PKD1L3: variants seen among roughly 807,000 people sequenced by gnomAD.
PKD1L3 encodes the protein polycystin 1 like 3, transient receptor potential channel interacting.
In PKD1L3, 239 loss-of-function variants were observed where a neutral mutation model predicts 184.1. The observed-to-expected ratio is 1.30, with a 90% CI of 1.17 to 1.45. PKD1L3 has a LOEUF of 1.45. Among genes scored for constraint, PKD1L3 ranks in the 40% most tolerant of loss-of-function variants. The probability of loss-of-function intolerance (pLI) is 0.00; values close to 1 mark genes in which losing one functional copy is unlikely to be tolerated. For missense variants in PKD1L3, 2,660 were observed against 2,067.2 expected, an observed-to-expected ratio of 1.29 and a Z score of -5.56; for synonymous variants, 996 against 778.8, an observed-to-expected ratio of 1.28 and a Z score of -4.64.
At position 71,952,952 on chromosome 16, in the gene PKD1L3, T is replaced by C. The variant is rs1597310697; in HGVS notation, c.2951A>G (p.Gln984Arg). 2 of 1,550,922 alleles carry C rather than the reference T, an allele frequency of 1.3e-6. No homozygotes were observed. The highest frequency in any genetic ancestry group is 1.7e-6 in the Non-Finnish European group (2 of 1,146,770). ...QETLPLFPPI[Q>R]ASCLSDASVE... ...AGAAGCATCTGAGAGGCAGGAGGCC[T>C]GGATGGGAGGAAAGAGGGGCAGAGT... Residue 984 changes from glutamine to arginine, a missense_variant, in exon 18 of 30, where the codon CAG becomes CGG. Transcript: ENST00000620267.
In PKD1L3 at chr16:71,999,899, G is replaced by T. The variant is rs1382072028; in HGVS notation, c.80C>A (p.Ala27Glu). Reference protein sequence around the residue: ...IILGSELNSPAPHGQNNCYQL... With the variant: ...IILGSELNSPEPHGQNNCYQL... Reference sequence around the variant, plus strand: ...GTAACAATTATTTTGCCCATGTGGTGCTGGGCTGTTTAGCTCACTTCCTAG... The same window carrying T: ...GTAACAATTATTTTGCCCATGTGGTTCTGGGCTGTTTAGCTCACTTCCTAG... The change falls in exon 1 of 30, where the codon GCA becomes GAA. Residue 27 changes from alanine to glutamate, a missense_variant. Transcript: ENST00000620267. 1 of 1,551,680 alleles carries T rather than the reference G, an allele frequency of 6.4e-7. No individual in the cohort carries two copies. Among genetic ancestry groups the T allele is most frequent in the Non-Finnish European group, 8.7e-7 (1 of 1,146,938 alleles).
chr16:71,945,085 T>C (rs1490612637), intron 22 of PKD1L3, among the ~76,000 whole-genome samples: 1 of 150,630 alleles, frequency 6.6e-6, no homozygotes, highest in African/African-American at 2.4e-5. Context: ...GTTAAAGTTT[T>C]TAAATGCTCA....
intron 4 of PKD1L3, among the ~76,000 whole-genome samples, chr16:71,987,000 C>G (rs1374552468): frequency 7.0e-6 from 1 of 142,268 alleles, no homozygotes; most frequent in African/African-American, 2.7e-5. Flanking sequence ...TCTCGGCTCA[C>G]TGCAGCCTCC....
At chr16:71,988,284 T>G (rs1291206910) in intron 4 of PKD1L3, among the ~76,000 whole-genome samples, 2 of 152,152 alleles carry the variant, frequency 1.3e-5, no homozygotes, top group Non-Finnish European at 2.9e-5. Context: ...AACCTCCACC[T>G]CCCAGGTTCA....
intron 16 of PKD1L3, among the ~76,000 whole-genome samples, chr16:71,961,547 T>G (rs1170647620): frequency 7.3e-6 from 1 of 137,638 alleles, no homozygotes; most frequent in African/African-American, 2.6e-5. Context: ...TCTCTTGAGG[T>G]TGCCACGCAG....
At chr16:71,964,500 G>T (rs1028294792) in intron 15 of PKD1L3, among the ~76,000 whole-genome samples, 3 of 150,548 alleles carry the variant, frequency 2.0e-5, no homozygotes, top group Admixed American at 6.6e-5. Context: ...CACCACGCCC[G>T]GCTAGTTTTT....
In PKD1L3 at chr16:71,977,358, A is replaced by G; in HGVS notation, c.1637T>C (p.Ile546Thr). ...VNVTSLEKSL[I>T]VSIDPDSPLL... ...GGGACTGTCAGGATCTATGCTCACT[A>G]TCAAGGATTTCTCCAAGGAAGTGAC... The change falls in exon 11 of 30, where the codon ATA (isoleucine) becomes ACA (threonine). Residue 546 changes from isoleucine (I) to threonine (T), a missense_variant. By Grantham distance (89) the Ile-to-Thr change is moderately conservative. Transcript: ENST00000620267. The G allele has an allele frequency of 1.3e-6, 2 of 1,549,284 alleles. No individual in the cohort carries two copies. Among genetic ancestry groups the G allele is most frequent in the South Asian group, 2.4e-5 (2 of 83,986 alleles).
intron 3 of PKD1L3, among the ~76,000 whole-genome samples, chr16:71,992,173 C>T (rs771196191): frequency 3.9e-5 from 6 of 152,088 alleles, no homozygotes; most frequent in Non-Finnish European, 8.8e-5. Context: ...AGGGGAGATC[C>T]AGCCCGCAAA....
At chr16:71,985,560 T>G (rs1454653077) in intron 5 of PKD1L3, among the ~76,000 whole-genome samples, 3 of 152,024 alleles carry the variant, frequency 2.0e-5, no homozygotes, top group Non-Finnish European at 2.9e-5. Flanking sequence ...CACCCCCAAG[T>G]AGCTGGGACT....
chr16:71,976,073 G>C (rs574717224), intron 11 of PKD1L3, among the ~76,000 whole-genome samples: 1 of 150,962 alleles, frequency 6.6e-6, no homozygotes, highest in African/African-American at 2.4e-5. Flanking sequence ...TCAGTCTCCC[G>C]AGTAGCTGGG....
At chr16:71,963,081 TTATG>T (rs1197950952) in intron 16 of PKD1L3, 120 bp downstream of exon 16, 4 of 1,076,124 alleles carry the variant, frequency 3.7e-6, no homozygotes, top group Non-Finnish European at 5.1e-6. Flanking sequence ...ACAGTAATGC[TTATG>T]TATGTTTGAA....
At chr16:71,965,679 G>C (rs748232230) in intron 15 of PKD1L3, among the ~76,000 whole-genome samples, 4 of 151,494 alleles carry the variant, frequency 2.6e-5, no homozygotes, top group African/African-American at 7.3e-5. Context: ...TCGGTCTCTC[G>C]AGCAGCTGGG....
chr16:71,980,123 G>A lies in PKD1L3; in HGVS notation c.1155C>T (p.Ile385=), dbSNP rs775881644. Residue 385 remains isoleucine (I), a synonymous_variant, in exon 8 of 30, where the codon ATC becomes ATT. Coordinates refer to ENST00000620267, the MANE Select transcript of PKD1L3 (RefSeq NM_181536.2). The part of the protein sequence containing the change: ...SKRHTEPVED[I]LEMSLVEFGN... ...CAAACTCCACCAAGGACATTTCCAG[G>A]ATGTCTTCTACCTGCATGGAAAGGA... is the stretch of plus-strand genomic sequence containing the variant. 1.9e-6 allele frequency: 3 copies of A among 1,551,544 alleles called. No homozygotes were observed. Among genetic ancestry groups the A allele is most frequent in the Non-Finnish European group, 2.6e-6 (3 of 1,146,848 alleles).
chr16:71,934,535 GT>G (rs762071777), intron 26 of PKD1L3, among the ~76,000 whole-genome samples: 2 of 152,186 alleles, frequency 1.3e-5, no homozygotes, highest in Admixed American at 6.5e-5. Context: ...CTAATCCTGT[GT>G]TCTCTGGCAG....
intron 4 of PKD1L3, among the ~76,000 whole-genome samples, chr16:71,986,692 A>T (rs2040380362): frequency 1.3e-5 from 2 of 152,218 alleles, no homozygotes; most frequent in Admixed American, 6.5e-5. Context: ...TCAATCGTTC[A>T]ATAAATTCTT....
chr16:71,976,778 T>C (rs764458535), intron 11 of PKD1L3, among the ~76,000 whole-genome samples: 4 of 152,154 alleles, frequency 2.6e-5, no homozygotes, highest in African/African-American at 4.8e-5. Context: ...AGTCTGTCTC[T>C]GTCTCCCAGG....
At chr16:71,936,306 A>G (rs369037619) in intron 25 of PKD1L3, among the ~76,000 whole-genome samples, 19 of 150,260 alleles carry the variant, frequency 1.3e-4, no homozygotes, top group Admixed American at 9.9e-4. Context: ...CCCAGGTTCA[A>G]GCAATTCTGC....
At position 71,950,244 on chromosome 16, in the gene PKD1L3, TG is replaced by T; in HGVS notation, c.3256del (p.His1086ThrfsTer2). The T allele has an allele frequency of 6.4e-7, 1 of 1,551,940 alleles. No individual in the cohort carries two copies. Among genetic ancestry groups the T allele is most frequent in the Non-Finnish European group, 8.7e-7 (1 of 1,147,048 alleles). Reference protein sequence around the residue: ...LHRVLQRLKSHLGTLGLTQGH... With the variant: ...LHRVLQRLKSXLGTLGLTQGH... ...CTGGGTGAGACCCAGCGTGCCTAAGTGAGATTTCAGCCTCTGCAGAACTCTA... is the reference window on the plus strand; with the variant it reads ...CTGGGTGAGACCCAGCGTGCCTAAGTAGATTTCAGCCTCTGCAGAACTCTA... On this transcript the variant is annotated frameshift_variant, in exon 20 of 30. Coordinates refer to ENST00000620267, the MANE Select transcript of PKD1L3 (RefSeq NM_181536.2). LOFTEE classifies it high-confidence loss of function.
chr16:71,975,968 T>G (rs1481806256), intron 11 of PKD1L3, among the ~76,000 whole-genome samples: 1 of 152,030 alleles, frequency 6.6e-6, no homozygotes, highest in Non-Finnish European at 1.5e-5. Context: ...TTTTTTTTTT[T>G]TTTGAGGCAG....
Sources: allele counts gnomAD v4.1 joint callset (sites outside exome capture counted in the v4.1 genomes callset), GRCh38; gene constraint gnomAD v4.1.1; transcripts MANE v1.5; gene names NCBI Gene and HGNC (gene_info 2026-07-23, HGNC 2026-07-21).